The following PPL variants were observed in gnomAD, a reference collection of about 807,000 sequenced individuals.
PPL encodes the protein 190 kDa paraneoplastic pemphigus antigen.
In PPL, 198 loss-of-function variants were observed where a neutral mutation model predicts 194.4. The observed-to-expected ratio is 1.02, with a 90% CI of 0.91 to 1.15. PPL has a LOEUF of 1.15. PPL is among the 50% of genes most tolerant of loss of function. The pLI, the probability that PPL is intolerant of heterozygous loss-of-function variation, is 0.00. For synonymous variants in PPL, 1,220 were observed against 972.4 expected (o/e 1.25, Z -4.74); for missense variants, 2,885 against 2,294.8 (o/e 1.26, Z -5.25).
rs1280038686 is a variant in PPL, at chr16:4,885,852, T to G, written c.2803A>C (p.Lys935Gln). 6.2e-7 allele frequency: 1 copy of G among 1,607,964 alleles called. No individual in the cohort carries two copies. Among genetic ancestry groups the G allele is most frequent in the South Asian group, 1.1e-5 (1 of 91,078 alleles). The change falls in exon 22 of 22, where the codon AAG becomes CAG. Residue 935 changes from lysine (K) to glutamine (Q), a missense_variant. Lys to Gln is a moderately conservative substitution (Grantham distance 53). Coordinates refer to ENST00000345988, the MANE Select transcript of PPL (RefSeq NM_002705.5). The surrounding 1 kb of genome is among the most constrained non-coding windows in gnomAD (Gnocchi z 6.3). ...TCCGGCACCTTCTTGAGCACCTCCT[T>G]CCTCACCACCGATTCCTGAGGCCCC... ...NQGPQESVVR[K>Q]EVLKKVPDPV...
intron 18 of PPL, 134 bp from the exon 19 acceptor site, chr16:4,889,195 G>C: frequency 2.4e-6 from 1 of 420,820 alleles, no homozygotes; most frequent in Non-Finnish European, 4.1e-6. Flanking sequence ...TGGCTCCCTT[G>C]TATACATTTT....
Position 4,883,339 on chromosome 16 carries a change from G to C in PPL, c.*45C>G, listed in dbSNP as rs2088136603. ...CACCAAGGAGGTCACTGCGTCGTAG[G>C]AGAGGGCCAGCGTCTGCCGTTACGA... On this transcript the variant is annotated 3_prime_UTR_variant, in exon 22 of 22. Transcript: ENST00000345988. The surrounding 1 kb of genome is among the most constrained non-coding windows in gnomAD (Gnocchi z 4.8). 6.2e-7 allele frequency: 1 copy of C among 1,609,030 alleles called. No individual in the cohort carries two copies. The highest frequency in any genetic ancestry group is 1.1e-5 in the South Asian group (1 of 90,842).
intron 2 of PPL, among the ~76,000 whole-genome samples, chr16:4,904,906 C>T (rs539598611): frequency 1.3e-5 from 2 of 152,176 alleles, no homozygotes; most frequent in East Asian, 1.9e-4. Flanking sequence ...AAGGGGCCGT[C>T]GATGGTTGCT....
intron 1 of PPL, 149 bp from the exon 2 acceptor site, chr16:4,911,098 T>A (rs73519168): frequency 1.7e-6 from 1 of 591,144 alleles, no homozygotes; most frequent in East Asian, 3.0e-5. Flanking sequence ...GCTGTTCCCA[T>A]AGGGCAACAT....
At chr16:4,893,497 C>T in intron 13 of PPL, 44 bp downstream of exon 13, 1 of 1,604,566 alleles carries the variant, frequency 6.2e-7, no homozygotes, top group Non-Finnish European at 8.5e-7. Flanking sequence ...AGCCCCTCCT[C>T]CCCGGTACCC....
rs1217002366 is a variant in PPL, at chr16:4,900,434, C to CTTT, written c.606+393_606+395dup. On this transcript the variant is annotated intron_variant, in intron 6 of 21. Coordinates refer to ENST00000345988, the MANE Select transcript of PPL (RefSeq NM_002705.5). ...CCTGATTGAAACGTTTACTGCACGC[C>CTTT]TTTTTTTTTTTTTTTTTTTTTTAAA... is the stretch of plus-strand genomic sequence containing the variant. 5.5e-4 allele frequency among the ~76,000 whole-genome samples: 34 copies of CTTT among 61,646 alleles called. 7 individuals carry two copies. In the East Asian group the frequency reaches 0.019, roughly 35 times the overall value. The allele number at this position is 61,646 out of a possible 152,430, so 40.4% of individuals were successfully genotyped here.
chr16:4,925,134 G>A (rs1249729519), intron 1 of PPL, among the ~76,000 whole-genome samples: 2 of 152,162 alleles, frequency 1.3e-5, no homozygotes, highest in Admixed American at 1.3e-4. Context: ...ACGCACAGGA[G>A]GGTACACCCC....
At position 4,885,559 on chromosome 16, in the gene PPL, G is replaced by A; in HGVS notation, c.3096C>T (p.Leu1032=). 6.2e-7 allele frequency: 1 copy of A among 1,610,556 alleles called. No individual in the cohort carries two copies. Among genetic ancestry groups the A allele is most frequent in the Admixed American group, 1.7e-5 (1 of 59,986 alleles). ...GGGCGGCCACACGCTGCTGCAGGAG[G>A]AGCACCTCTGCCTCCCGGGCGCCCT... The part of the protein sequence containing the change: ...RQKGAREAEV[L]LLQQRVAALA... Residue 1032 remains leucine (L), a synonymous_variant, in exon 22 of 22, where the codon CTC becomes CTT. Transcript: ENST00000345988. The surrounding 1 kb of genome is among the most constrained non-coding windows in gnomAD (Gnocchi z 6.3).
At chr16:4,923,438 G>A (rs1004904072) in intron 1 of PPL, among the ~76,000 whole-genome samples, 28 of 152,180 alleles carry the variant, frequency 1.8e-4, no homozygotes, top group Admixed American at 1.0e-3. Context: ...CTGCCCCCAG[G>A]AGAGACGTGG....
chr16:4,907,576 T>C (rs1173919046), intron 2 of PPL, among the ~76,000 whole-genome samples: 1 of 151,948 alleles, frequency 6.6e-6, no homozygotes, highest in Non-Finnish European at 1.5e-5. Flanking sequence ...GAGTAACTGT[T>C]AAGGGTGTGG....
chr16:4,883,668 G>C lies in PPL; in HGVS notation c.4987C>G (p.Pro1663Ala), dbSNP rs1451937025. 6.2e-7 allele frequency: 1 copy of C among 1,614,124 alleles called. No homozygotes were observed. The highest frequency in any genetic ancestry group is 2.2e-5 in the East Asian group (1 of 44,866). ...GGGGACAGCTCGCGGCCTGTGTCAGGGTGGATGACTACGATGGAGCGCCGC... is the reference window on the plus strand; with the variant it reads ...GGGGACAGCTCGCGGCCTGTGTCAGCGTGGATGACTACGATGGAGCGCCGC... ...HLRRSIVVIH[P>A]DTGRELSPEE... The change falls in exon 22 of 22, where the codon CCT becomes GCT. Residue 1663 changes from proline to alanine, a missense_variant. By Grantham distance (27) the Pro-to-Ala change is conservative (BLOSUM62 -1). Coordinates refer to ENST00000345988, the MANE Select transcript of PPL (RefSeq NM_002705.5). The surrounding 1 kb of genome is among the most constrained non-coding windows in gnomAD (Gnocchi z 4.8).
chr16:4,897,900 C>T, intron 8 of PPL, 130 bp from the exon 9 acceptor site: 1 of 693,012 alleles, frequency 1.4e-6, no homozygotes, highest in Non-Finnish European at 2.5e-6. Context: ...GTGTGGCTAC[C>T]ACAGGGGTAG....
At chr16:4,912,387 C>G (rs573937852) in intron 1 of PPL, among the ~76,000 whole-genome samples, 1 of 152,250 alleles carries the variant, frequency 6.6e-6, no homozygotes, top group African/African-American at 2.4e-5. Flanking sequence ...GAACTTCATT[C>G]TTTTTATGGC....
Position 4,891,945 on chromosome 16 carries a change from C to G in PPL, c.1834G>C (p.Asp612His), listed in dbSNP as rs370308954. The G allele has an allele frequency of 1.6e-5, 25 of 1,612,514 alleles. No individual in the cohort carries two copies. In the African/African-American group the frequency reaches 2.4e-4, roughly 15 times the overall value. ...CTCTTCTCCAGGCGGTTGGCCACAT[C>G]AACCCTGAGAGCACCAATCAGGCGT... ...QLLDLAQEKV[D>H]VANRLEKSLQ... is the part of the protein sequence containing the mutation. The change falls in exon 16 of 22, where the codon GAT becomes CAT. Residue 612 changes from aspartate to histidine, a missense_variant. By Grantham distance (81) the Asp-to-His change is moderately conservative. Coordinates refer to ENST00000345988, the MANE Select transcript of PPL (RefSeq NM_002705.5).
rs1192866275 is a variant in PPL, at chr16:4,883,062, G to T, written c.*322C>A. On this transcript the variant is annotated 3_prime_UTR_variant, in exon 22 of 22. Coordinates refer to ENST00000345988, the MANE Select transcript of PPL (RefSeq NM_002705.5). This position sits in a 1 kb window ranked among gnomAD's most constrained non-coding sequence, Gnocchi z 4.8. ...GCTGCTGTGGTTGGCTTGTCCTTCA[G>T]TGGTTTTCAGATTGTGTGCAGTTAT... The T allele has an allele frequency of 1.2e-5, 4 of 326,388 alleles. No individual in the cohort carries two copies. The highest frequency in any genetic ancestry group is 1.2e-5 in the Non-Finnish European group (2 of 173,328). 20.2% of individuals were successfully genotyped at this position (326,388 alleles called of 1,614,324 possible). A position where few individuals can be genotyped will look rare whatever the true frequency, so the allele number is the denominator to read the frequency against.
intron 2 of PPL, among the ~76,000 whole-genome samples, chr16:4,904,851 C>T (rs2088651692): frequency 6.6e-6 from 1 of 151,896 alleles, no homozygotes; most frequent in South Asian, 2.1e-4. Context: ...CAGGTGACAG[C>T]GAGGTGGCAC....
intron 1 of PPL, among the ~76,000 whole-genome samples, chr16:4,929,419 CCGCCAGCTGTGCCCCA>C (rs1357051968): frequency 6.6e-6 from 1 of 152,050 alleles, no homozygotes; most frequent in African/African-American, 2.4e-5. Context: ...GCTGTGCCCC[CCGCCAGCTGTGCCCCA>C]CGCCAGCTCG....
At chr16:4,890,661 A>G (rs538787754) in intron 17 of PPL, 67 bp downstream of exon 17, 5 of 1,500,926 alleles carry the variant, frequency 3.3e-6, no homozygotes, top group African/African-American at 1.4e-5. Context: ...CGGCTAAAGC[A>G]TTGCTTAGAG....
chr16:4,934,672 G>T (rs1230823648), intron 1 of PPL, among the ~76,000 whole-genome samples: 4 of 152,148 alleles, frequency 2.6e-5, no homozygotes, highest in Admixed American at 6.5e-5. Flanking sequence ...AAAACTCAGA[G>T]TGAAGGAATA....
Sources: allele counts gnomAD v4.1 joint callset (sites outside exome capture counted in the v4.1 genomes callset), GRCh38; gene constraint gnomAD v4.1.1; non-coding constraint Gnocchi (gnomAD v3.1); transcripts MANE v1.5; gene names NCBI Gene and HGNC (gene_info 2026-07-23, HGNC 2026-07-21).